The following AKAP9 variants were observed in gnomAD, a reference collection of about 807,000 sequenced individuals.
The protein encoded by AKAP9 is A-kinase anchoring protein 9, also known as A-kinase anchor protein 9.
In AKAP9, 311 loss-of-function variants were observed where a neutral mutation model predicts 488.5. That is an observed-to-expected ratio of 0.64 (90% CI 0.58 to 0.70). AKAP9 has a LOEUF of 0.70. Among genes scored for constraint, AKAP9 ranks in the 30% least tolerant of loss-of-function variants. AKAP9 has a pLI of 0.00. For missense variants in AKAP9, 4,215 were observed against 4,374.5 expected (o/e 0.96, Z 1.03); for synonymous variants, 1,462 against 1,483.5 (o/e 0.99, Z 0.33).
intron 44 of AKAP9, chr7:92,100,176 C>T (rs1584559104): frequency 3.1e-6 from 1 of 320,592 alleles, no homozygotes; most frequent in Admixed American, 4.6e-5. Flanking sequence ...CTTGTATCTC[C>T]AAAGCCAGAT....
intron 1 of AKAP9, among the ~76,000 whole-genome samples, chr7:91,966,320 G>GT (rs1794437853): frequency 6.6e-6 from 1 of 152,006 alleles, no homozygotes; most frequent in South Asian, 2.1e-4. Context: ...TCTTTTTGTA[G>GT]TTTCAGGTCT....
chr7:92,051,454 T>C (rs1807970673), intron 21 of AKAP9, among the ~76,000 whole-genome samples: 1 of 152,212 alleles, frequency 6.6e-6, no homozygotes, highest in African/African-American at 2.4e-5. Flanking sequence ...GGATACAAAG[T>C]GAAAGTTGTA....
At chr7:92,018,395 AACAC>A (rs56394853) in intron 12 of AKAP9, among the ~76,000 whole-genome samples, 5,391 of 120,612 alleles carry the variant, frequency 0.045, 215 homozygotes, top group East Asian at 0.19. Context: ...CTAAAAATAT[AACAC>A]ACACACACAC....
Position 91,997,786 on chromosome 7 carries a change from G to T in AKAP9, c.930+1986G>T, listed in dbSNP as rs190791148. 2.4e-3 allele frequency among the ~76,000 whole-genome samples: 369 copies of T among 152,216 alleles called. 3 individuals carry two copies. The highest frequency in any genetic ancestry group is 8.5e-3 in the African/African-American group (352 of 41,528). Reference sequence around the variant, plus strand: ...TAAAATTCAAGTAATTCATTTTGTAGGGGGAATAACCTTTGTTATTTGAAT... The same window carrying T: ...TAAAATTCAAGTAATTCATTTTGTATGGGGAATAACCTTTGTTATTTGAAT... On this transcript the variant is annotated intron_variant, in intron 7 of 49. Coordinates refer to ENST00000356239, the MANE Select transcript of AKAP9 (RefSeq NM_005751.5).
rs530886371 is a variant in AKAP9 at position 91,968,468 on chromosome 7, A to AT, written c.49-5240dup. Among the ~76,000 whole-genome samples, 5 of 151,936 alleles carry AT rather than the reference A, an allele frequency of 3.3e-5. No individual in the cohort carries two copies. In the East Asian group the frequency reaches 9.7e-4, roughly 29 times the overall value. On this transcript the variant is annotated intron_variant, in intron 1 of 49. Coordinates refer to ENST00000356239, the MANE Select transcript of AKAP9 (RefSeq NM_005751.5). ...CATCTTCTTTTTCATTTCTGATTTT[A>AT]TTTGACCTTTCTCCTTTTATGAAAA... is the stretch of plus-strand genomic sequence containing the variant.
At chr7:91,957,859 C>A (rs1479193330) in intron 1 of AKAP9, among the ~76,000 whole-genome samples, 1 of 151,888 alleles carries the variant, frequency 6.6e-6, no homozygotes, top group Non-Finnish European at 1.5e-5. Flanking sequence ...GCTTAATTAC[C>A]CTCCTTATTT....
rs889211692 is a variant in AKAP9 at position 92,100,926 on chromosome 7, A to G, written c.10967A>G (p.Asn3656Ser). 6.2e-7 allele frequency: 1 copy of G among 1,614,184 alleles called. No homozygotes were observed. The highest frequency in any genetic ancestry group is 8.5e-7 in the Non-Finnish European group (1 of 1,180,034). The change falls in exon 45 of 50, where the codon AAC becomes AGC. Residue 3656 changes from asparagine to serine, a missense_variant. By Grantham distance (46) the Asn-to-Ser change is conservative. Around this residue, in one of 5 missense-constraint regions of AKAP9, gnomAD observed 74 missense variants for 113.0 expected, o/e 0.65. Transcript: ENST00000356239. ...AIIASEKEVWNREKLTLQKSL... is the reference protein window; with the variant it reads ...AIIASEKEVWSREKLTLQKSL... ...ATTGCCTCTGAAAAAGAAGTATGGA[A>G]CAGAGAAAAATTGACTCTCCAGAAA...
chr7:91,986,567 G>C (rs1797120721), intron 3 of AKAP9, among the ~76,000 whole-genome samples: 1 of 152,166 alleles, frequency 6.6e-6, no homozygotes, highest in African/African-American at 2.4e-5. Flanking sequence ...ATATTGATTT[G>C]AAAAGCTAAA....
intron 3 of AKAP9, among the ~76,000 whole-genome samples, chr7:91,984,731 A>T (rs915968092): frequency 6.6e-6 from 1 of 152,030 alleles, no homozygotes; most frequent in African/African-American, 2.4e-5. Flanking sequence ...CAGTGTGGCC[A>T]TTTTCACAAT....
chr7:91,960,101 A>T (rs1377732755), intron 1 of AKAP9, among the ~76,000 whole-genome samples: 1 of 152,232 alleles, frequency 6.6e-6, no homozygotes, highest in African/African-American at 2.4e-5. Flanking sequence ...ACAAGTATAT[A>T]TAGTCATCAT....
chr7:91,974,998 A>G (rs1368083878), intron 2 of AKAP9, among the ~76,000 whole-genome samples: 1 of 151,508 alleles, frequency 6.6e-6, no homozygotes, highest in African/African-American at 2.4e-5. Context: ...CCACAGGTGC[A>G]TGCTACCACA....
At chr7:92,070,392 GTTGTTGTTGTTGTTTTGTTTTGTT>G (rs1811497542) in intron 27 of AKAP9, among the ~76,000 whole-genome samples, 186 bp downstream of exon 27, 1 of 136,390 alleles carries the variant, frequency 7.3e-6, no homozygotes, top group African/African-American at 3.3e-5. Context: ...AGAGTTTTTT[GTTGTTGTTGTTGTTTTGTTTTGTT>G]TTGTTTTGTT....
At chr7:92,100,497 A>T (rs558521418) in intron 44 of AKAP9, among the ~76,000 whole-genome samples, 1 of 152,362 alleles carries the variant, frequency 6.6e-6, no homozygotes, top group East Asian at 1.9e-4. Flanking sequence ...TATTATGTAC[A>T]TACTGGCTTG....
At chr7:92,091,656 AAGC>A (rs1468101046) in intron 38 of AKAP9, among the ~76,000 whole-genome samples, 1 of 152,000 alleles carries the variant, frequency 6.6e-6, no homozygotes, top group Non-Finnish European at 1.5e-5. Flanking sequence ...GGAAAAAAAA[AAGC>A]AGGTTAAAAT....
intron 39 of AKAP9, among the ~76,000 whole-genome samples, chr7:92,093,822 C>T (rs1282087085): frequency 6.6e-6 from 1 of 151,732 alleles, no homozygotes; most frequent in African/African-American, 2.4e-5. Flanking sequence ...ATTTTATTTA[C>T]TTTTTATTTA....
chr7:92,045,099 C>T lies in AKAP9; in HGVS notation c.5254C>T (p.His1752Tyr). The change falls in exon 21 of 50, where the codon CAT (histidine) becomes TAT (tyrosine). Residue 1752 changes from histidine (H) to tyrosine (Y), a missense_variant. Around this residue, in one of 5 missense-constraint regions of AKAP9, gnomAD observed 2,361 missense variants for 2,430.0 expected, o/e 0.97. Transcript: ENST00000356239. ...TAAVEETIGR[H>Y]VLGILDRSSK... ...AGCTGTTGAAGAAACAATTGGTCGC[C>T]ATGTCCTTGGGATTCTAGATAGATC... 3.7e-6 allele frequency: 6 copies of T among 1,613,370 alleles called. No homozygotes were observed. The highest frequency in any genetic ancestry group is 5.1e-6 in the Non-Finnish European group (6 of 1,179,856).
chr7:91,994,059 A>G (rs908768991), intron 5 of AKAP9, among the ~76,000 whole-genome samples: 3 of 152,110 alleles, frequency 2.0e-5, no homozygotes, highest in Non-Finnish European at 2.9e-5. Context: ...AGCCCAGGAG[A>G]TTGAGGCTGT....
At position 92,001,403 on chromosome 7, in the gene AKAP9, A is replaced by G; in HGVS notation, c.1486A>G (p.Asn496Asp). The change falls in exon 8 of 50, where the codon AAT (asparagine) becomes GAT (aspartate). Residue 496 changes from asparagine (N) to aspartate (D), a missense_variant. By Grantham distance (23) the Asn-to-Asp change is conservative. This residue lies in a region of AKAP9 where 2,361 missense variants were observed against 2,430.0 expected (regional missense o/e 0.97). Transcript: ENST00000356239. The part of the protein sequence containing the change: ...DQIKLMNVAI[N>D]ELNIKLQDTN... ...GATAAAGTTAATGAATGTGGCAATA[A>G]ATGAACTGAATATAAAATTGCAAGA... 1 of 1,613,850 alleles carries G rather than the reference A, an allele frequency of 6.2e-7. No homozygotes were observed. Among genetic ancestry groups the G allele is most frequent in the Non-Finnish European group, 8.5e-7 (1 of 1,179,790 alleles).
chr7:92,109,916 A>G (rs1563166779), intron 49 of AKAP9, among the ~76,000 whole-genome samples: 1 of 152,168 alleles, frequency 6.6e-6, no homozygotes, highest in Non-Finnish European at 1.5e-5. Context: ...ACACCACTGA[A>G]TTCCAGCCTG....
Sources: allele counts gnomAD v4.1 joint callset (sites outside exome capture counted in the v4.1 genomes callset), GRCh38; gene constraint gnomAD v4.1.1; regional missense constraint gnomAD v4.1.1; transcripts MANE v1.5; gene names NCBI Gene and HGNC (gene_info 2026-07-23, HGNC 2026-07-21).